PRKCA: variants seen among roughly 807,000 people sequenced by gnomAD.
PRKCA encodes the protein protein kinase C alpha.
Under a neutral mutation model 87.0 loss-of-function variants are expected in PRKCA, and 27 were observed. The observed-to-expected ratio is 0.31, with a 90% CI of 0.23 to 0.43. The LOEUF is 0.43. PRKCA is among the 20% of genes least tolerant of loss of function. PRKCA has a pLI of 1.00. For synonymous variants in PRKCA, 329 were observed against 311.1 expected (o/e 1.06, Z -0.61); for missense variants, 518 against 852.3 (o/e 0.61, Z 4.88).
intron 5 of PRKCA, among the ~76,000 whole-genome samples, chr17:66,679,620 T>G (rs1240195994): frequency 6.6e-6 from 1 of 152,260 alleles, no homozygotes; most frequent in Non-Finnish European, 1.5e-5. Context: ...AATACAGCAC[T>G]GCAAGATGTG....
chr17:66,799,079 G>GTGGTGA (rs1975794651), intron 16 of PRKCA, among the ~76,000 whole-genome samples: 3 of 1,288 alleles, frequency 2.3e-3, no homozygotes, highest in Non-Finnish European at 3.7e-3. Flanking sequence ...GGTGGTGGTG[G>GTGGTGA]TGGTGGTGGT....
chr17:66,398,377 A>C (rs188832459), intron 2 of PRKCA, among the ~76,000 whole-genome samples: 1 of 152,216 alleles, frequency 6.6e-6, no homozygotes, highest in Non-Finnish European at 1.5e-5. Flanking sequence ...TCAAAACCCA[A>C]CCACACTTTT....
At chr17:66,554,631 C>G (rs2143249175) in intron 3 of PRKCA, 1 of 735,582 alleles carries the variant, frequency 1.4e-6, no homozygotes, top group Non-Finnish European at 1.7e-6. Context: ...GTGGGGGGCA[C>G]TAGCAAATAA....
intron 2 of PRKCA, among the ~76,000 whole-genome samples, chr17:66,485,166 G>A (rs1183030418): frequency 6.6e-6 from 1 of 152,102 alleles, no homozygotes; most frequent in African/African-American, 2.4e-5. Flanking sequence ...TTGGTGTATA[G>A]TAAGTGTACA....
chr17:66,742,068 A>C lies in PRKCA; in HGVS notation c.1385+347A>C, dbSNP rs184172772. ...GTTCAGCAGAAGAAGAACACAGGGA[A>C]CTGGGGAGAGGCAAGGAAAAAAATC... On this transcript the variant is annotated intron_variant, in intron 12 of 16. Coordinates refer to ENST00000413366, the MANE Select transcript of PRKCA (RefSeq NM_002737.3). Among the ~76,000 whole-genome samples, 246 of 152,338 alleles carry C rather than the reference A, an allele frequency of 1.6e-3. 4 individuals are homozygous for C. The highest frequency in any genetic ancestry group is 6.6e-4 in the Non-Finnish European group (45 of 68,034).
At chr17:66,322,513 A>C (rs1415021369) in intron 2 of PRKCA, among the ~76,000 whole-genome samples, 1 of 152,150 alleles carries the variant, frequency 6.6e-6, no homozygotes, top group Non-Finnish European at 1.5e-5. Context: ...TCCAGGCTAG[A>C]GTGCAGTGGT....
chr17:66,472,036 A>G (rs1419013859), intron 2 of PRKCA, among the ~76,000 whole-genome samples: 1 of 152,186 alleles, frequency 6.6e-6, no homozygotes, highest in Non-Finnish European at 1.5e-5. Context: ...ATCATAGATC[A>G]CTGCAGCCTG....
intron 13 of PRKCA, among the ~76,000 whole-genome samples, chr17:66,761,299 G>T (rs2144296347): frequency 6.6e-6 from 1 of 151,310 alleles, no homozygotes; most frequent in Middle Eastern, 3.4e-3. Flanking sequence ...GAACTCGGGA[G>T]GCAGAGGTTG....
intron 2 of PRKCA, among the ~76,000 whole-genome samples, chr17:66,333,784 T>G (rs1906494464): frequency 1.3e-5 from 2 of 152,116 alleles, no homozygotes; most frequent in South Asian, 4.1e-4. Flanking sequence ...GGTCTAGTCT[T>G]TCTTCCTACT....
chr17:66,803,721 A>C lies in PRKCA; in HGVS notation c.1855-152A>C. 1 of 1,044,134 alleles carries C rather than the reference A, an allele frequency of 9.6e-7. No homozygotes were observed. The highest frequency in any genetic ancestry group is 1.4e-6 in the Non-Finnish European group (1 of 739,878). 64.7% of individuals were successfully genotyped at this position (1,044,134 alleles called of 1,614,324 possible). A position where few individuals can be genotyped will look rare whatever the true frequency, so the allele number is the denominator to read the frequency against. On this transcript the variant is annotated intron_variant, in intron 16 of 16. Transcript: ENST00000413366. This position sits in a 1 kb window ranked among gnomAD's most constrained non-coding sequence, Gnocchi z 4.4. ...GTTGTCTGCTGTGCCTGGCTTTTCA[A>C]TCCAATAGGCCTGCAAGTCCTCCGA...
intron 3 of PRKCA, among the ~76,000 whole-genome samples, chr17:66,500,503 A>G (rs1466831625): frequency 6.6e-6 from 1 of 152,224 alleles, no homozygotes. Context: ...GTATTGAGCC[A>G]GAAGGGGTGT....
At chr17:66,549,251 A>C (rs1886530356) in intron 3 of PRKCA, among the ~76,000 whole-genome samples, 1 of 151,744 alleles carries the variant, frequency 6.6e-6, no homozygotes. Context: ...TAAGGTGCTC[A>C]AGTTTGTAAA....
intron 2 of PRKCA, among the ~76,000 whole-genome samples, chr17:66,386,470 T>C (rs9892886): frequency 0.22 from 33,117 of 152,128 alleles, 3,755 homozygotes; most frequent in Admixed American, 0.31. Context: ...AGTTGCTTTA[T>C]CTCTCATGTC....
intron 2 of PRKCA, among the ~76,000 whole-genome samples, chr17:66,477,381 G>C (rs988805362): frequency 2.0e-5 from 3 of 152,144 alleles, no homozygotes; most frequent in African/African-American, 7.2e-5. Context: ...TGTCATACCT[G>C]GCTTTGTTTT....
chr17:66,552,666 G>T (rs1296828436), intron 3 of PRKCA, among the ~76,000 whole-genome samples: 3 of 152,208 alleles, frequency 2.0e-5, no homozygotes, highest in Non-Finnish European at 4.4e-5. Flanking sequence ...AGAACTACCA[G>T]CAAGATCGCA....
Position 66,401,369 on chromosome 17 carries a change from T to G in PRKCA, c.206-94832T>G, listed in dbSNP as rs755546918. On this transcript the variant is annotated intron_variant, in intron 2 of 16. Transcript: ENST00000413366. ...GGAGTGCCTGCGGCTGGACCCACTT[T>G]GAGCAATTGGAAAGCCTGTATAGGA... Among the ~76,000 whole-genome samples the G allele has an allele frequency of 1.1e-3, 160 of 152,304 alleles. 1 individual carries two copies. Among genetic ancestry groups the G allele is most frequent in the Non-Finnish European group, 1.6e-3 (111 of 68,030 alleles).
chr17:66,515,565 G>C (rs8080550), intron 3 of PRKCA, among the ~76,000 whole-genome samples: 3,482 of 152,076 alleles, frequency 0.023, 128 homozygotes, highest in African/African-American at 0.079. Context: ...CGGGGGGTAG[G>C]GTGTCTCACT....
intron 2 of PRKCA, among the ~76,000 whole-genome samples, chr17:66,413,463 C>T (rs955273743): frequency 1.3e-5 from 2 of 152,126 alleles, no homozygotes; most frequent in South Asian, 2.1e-4. Flanking sequence ...ATTCAACCCG[C>T]AGCCTCTCTC....
chr17:66,424,598 C>CACACACACACACACACAT (rs1051866560), intron 2 of PRKCA, among the ~76,000 whole-genome samples: 1 of 150,514 alleles, frequency 6.6e-6, no homozygotes, highest in Non-Finnish European at 1.5e-5. Flanking sequence ...CACACACACA[C>CACACACACACACACACAT]ATCTTTGAAG....
Sources: gnomAD v4.1 joint callset for allele counts (sites outside exome capture counted in the v4.1 genomes callset) on GRCh38, gnomAD v4.1.1 for gene constraint, Gnocchi (gnomAD v3.1) non-coding constraint, MANE v1.5 for transcripts, NCBI Gene and HGNC (gene_info 2026-07-23, HGNC 2026-07-21) for gene names.